Variants in CNTRL observed in about 807,000 individuals in gnomAD.
CNTRL encodes the protein 110 kDa centrosomal protein.
CNTRL carries 233 observed loss-of-function variants against 303.7 expected under a neutral mutation model. The ratio of observed to expected loss-of-function variants is 0.77; its 90% CI spans 0.69 to 0.86. The LOEUF is 0.86. Ranked by LOEUF, CNTRL falls within the 40% of genes least tolerant of loss-of-function variation. The pLI is 0.00. For synonymous variants in CNTRL, 900 were observed against 922.2 expected (o/e 0.98, Z 0.44); for missense variants, 2,524 against 2,650.6 (o/e 0.95, Z 1.05).
intron 26 of CNTRL, 121 bp downstream of exon 26, chr9:121,152,814 C>T (rs2052354474): frequency 2.7e-6 from 2 of 737,936 alleles, no homozygotes; most frequent in Non-Finnish European, 4.4e-6. Flanking sequence ...TAACCACTAG[C>T]TCAGTGTGGC....
At position 121,146,203 on chromosome 9, in the gene CNTRL, C is replaced by T; in HGVS notation, c.3406C>T (p.Pro1136Ser). ...QNDYISSMAD[P>S]FKRRGYWYFM... ...TGATTACATAAGCAGCATGGCAGAT[C>T]CTTTCAAAAGACGAGGCTATTGGTA... The change falls in exon 23 of 44, where the codon CCT (proline) becomes TCT (serine). Residue 1136 changes from proline (P) to serine (S), a missense_variant. Physicochemically the swap from Pro to Ser is moderately conservative, Grantham distance 74. Transcript: ENST00000373855. The T allele has an allele frequency of 1.2e-6, 2 of 1,613,502 alleles. No homozygotes were observed. The highest frequency in any genetic ancestry group is 1.7e-6 in the Non-Finnish European group (2 of 1,179,864).
intron 35 of CNTRL, among the ~76,000 whole-genome samples, 180 bp from the exon 36 acceptor site, chr9:121,165,927 A>T (rs1290966158): frequency 2.6e-5 from 4 of 152,228 alleles, no homozygotes; most frequent in Non-Finnish European, 4.4e-5. Flanking sequence ...CTGAGCTCCA[A>T]GCCCAAATCT....
chr9:121,102,059 C>A (rs1009290734), intron 7 of CNTRL, among the ~76,000 whole-genome samples: 2 of 152,202 alleles, frequency 1.3e-5, no homozygotes, highest in African/African-American at 2.4e-5. Flanking sequence ...ATGAGGCCAG[C>A]ATCATCCTGA....
chr9:121,158,747 G>A lies in CNTRL; in HGVS notation c.4765-108G>A, dbSNP rs557503305. On this transcript the variant is annotated intron_variant, in intron 30 of 43. Coordinates refer to ENST00000373855, the MANE Select transcript of CNTRL (RefSeq NM_007018.6). ...TGCCTGGCTTTTCTGACTCTTGGGG[G>A]CTAGGATATTAGCTCCTGATTTTAC... 6.5e-5 allele frequency: 69 copies of A among 1,060,904 alleles called. No homozygotes were observed. The African/African-American group carries it at 1.0e-3, about 16-fold the overall frequency. 65.7% of individuals were successfully genotyped at this position (1,060,904 alleles called of 1,614,324 possible).
chr9:121,167,345 G>T, intron 36 of CNTRL, 144 bp from the exon 37 acceptor site: 1 of 663,622 alleles, frequency 1.5e-6, no homozygotes, highest in Non-Finnish European at 2.5e-6. Context: ...AAATTCTCTT[G>T]TACCTGTAAG....
In CNTRL at chr9:121,092,817, ATTT is replaced by A. The variant is rs71370628; in HGVS notation, c.349-2060_349-2058del. 2.4e-4 allele frequency among the ~76,000 whole-genome samples: 6 copies of A among 25,364 alleles called. 1 individual carries two copies. The highest frequency in any genetic ancestry group is 7.0e-3 in the East Asian group (2 of 286). The allele number at this position is 25,364 out of a possible 152,430, so 16.6% of individuals were successfully genotyped here. On this transcript the variant is annotated intron_variant, in intron 4 of 43. Transcript: ENST00000373855. ...AATATATATATCTATATATATATAT[ATTT>A]TTTTTTTTTTGGAGTCTCGCTCTCT... is the stretch of plus-strand genomic sequence containing the variant.
intron 9 of CNTRL, among the ~76,000 whole-genome samples, chr9:121,112,824 C>G (rs2049807187): frequency 1.3e-5 from 2 of 152,140 alleles, no homozygotes; most frequent in Non-Finnish European, 2.9e-5. Flanking sequence ...TTACCAAAAG[C>G]AGTCGTCTAA....
Position 121,135,265 on chromosome 9 carries a change from C to A in CNTRL, c.2026-541C>A, listed in dbSNP as rs185191028. Among the ~76,000 whole-genome samples the A allele has an allele frequency of 2.5e-3, 381 of 152,232 alleles. 1 individual carries two copies. The highest frequency in any genetic ancestry group is 8.6e-3 in the African/African-American group (358 of 41,532). ...TTTGTTCTTCTGATAAATGAACATG[C>A]TATGGTTTAATAGAGAGAGTATGGG... On this transcript the variant is annotated intron_variant, in intron 14 of 43. Transcript: ENST00000373855.
intron 2 of CNTRL, among the ~76,000 whole-genome samples, chr9:121,084,929 A>G (rs988961517): frequency 1.3e-5 from 2 of 152,200 alleles, no homozygotes; most frequent in Admixed American, 1.3e-4. Flanking sequence ...TTTCTTTCAT[A>G]TAGGAAAAGA....
intron 15 of CNTRL, among the ~76,000 whole-genome samples, chr9:121,136,724 ATATT>A (rs543672474): frequency 6.6e-6 from 1 of 152,174 alleles, no homozygotes; most frequent in South Asian, 2.1e-4. Context: ...TATCCAATAA[ATATT>A]TATTGATTGG....
At chr9:121,175,257 T>G in intron 43 of CNTRL, 33 bp downstream of exon 43, 2 of 1,578,798 alleles carry the variant, frequency 1.3e-6, no homozygotes, top group Non-Finnish European at 1.7e-6. Flanking sequence ...AACAAAACAA[T>G]AGCCTGAGGT....
intron 21 of CNTRL, 79 bp downstream of exon 21, chr9:121,145,038 T>C (rs1265215426): frequency 1.5e-6 from 2 of 1,295,488 alleles, no homozygotes; most frequent in African/African-American, 1.5e-5. Context: ...GTAGGTGATG[T>C]CTCAAAGAAT....
At chr9:121,112,608 A>G in intron 9 of CNTRL, 30 bp downstream of exon 9, 3 of 1,607,536 alleles carry the variant, frequency 1.9e-6, no homozygotes, top group South Asian at 1.1e-5. Flanking sequence ...TAGTAATCCA[A>G]AGTTAAAGCC....
chr9:121,096,406 A>C lies in CNTRL; in HGVS notation c.480-16A>C. 1 of 1,486,372 alleles carries C rather than the reference A, an allele frequency of 6.7e-7. No individual in the cohort carries two copies. The highest frequency in any genetic ancestry group is 9.0e-7 in the Non-Finnish European group (1 of 1,108,514). 92.1% of individuals were successfully genotyped at this position (1,486,372 alleles called of 1,614,324 possible). A position where few individuals can be genotyped will look rare whatever the true frequency, so the allele number is the denominator to read the frequency against. On this transcript the variant is annotated splice_polypyrimidine_tract_variant and intron_variant, in intron 5 of 43. Coordinates refer to ENST00000373855, the MANE Select transcript of CNTRL (RefSeq NM_007018.6). Reference sequence around the variant, plus strand: ...AATTGTACTCACTAAATTTTATTTTATCCTTTGCTTTCCAGCAAAATTGAA... The same window carrying C: ...AATTGTACTCACTAAATTTTATTTTCTCCTTTGCTTTCCAGCAAAATTGAA...
chr9:121,161,229 A>G, intron 32 of CNTRL: 1 of 425,568 alleles, frequency 2.3e-6, no homozygotes, highest in South Asian at 7.0e-5. Context: ...GGGGTGGTGA[A>G]ATAATGGTGG....
chr9:121,132,063 T>G (rs1016134636), intron 14 of CNTRL, among the ~76,000 whole-genome samples: 2 of 152,236 alleles, frequency 1.3e-5, no homozygotes, highest in Non-Finnish European at 2.9e-5. Flanking sequence ...TGCCCTTACA[T>G]TTTTTCCTTC....
intron 38 of CNTRL, among the ~76,000 whole-genome samples, chr9:121,169,153 T>A (rs2053208265): frequency 6.6e-6 from 1 of 152,216 alleles, no homozygotes; most frequent in Non-Finnish European, 1.5e-5. Context: ...TCAGGAAATG[T>A]TTTCCTCTTC....
intron 12 of CNTRL, among the ~76,000 whole-genome samples, chr9:121,121,068 A>C (rs921361654): frequency 1.4e-4 from 21 of 152,170 alleles, no homozygotes; most frequent in Non-Finnish European, 1.8e-4. Context: ...ATGCCTGCAT[A>C]TTTTTCTATA....
At chr9:121,109,366 C>T (rs1454235547) in intron 8 of CNTRL, among the ~76,000 whole-genome samples, 1 of 152,112 alleles carries the variant, frequency 6.6e-6, no homozygotes, top group South Asian at 2.1e-4. Context: ...TATTATTCAG[C>T]ATCTTAACTT....
Sources: gnomAD v4.1 joint callset for allele counts (sites outside exome capture counted in the v4.1 genomes callset) on GRCh38, gnomAD v4.1.1 for gene constraint, MANE v1.5 for transcripts, NCBI Gene and HGNC (gene_info 2026-07-23, HGNC 2026-07-21) for gene names.